MUC12: variants seen among roughly 807,000 people sequenced by gnomAD.
The protein encoded by MUC12 is mucin 12, cell surface associated.
A neutral mutation model predicts 230.8 loss-of-function variants in MUC12; 172 were observed. The ratio of observed to expected loss-of-function variants is 0.75; its 90% CI spans 0.66 to 0.85. MUC12 has a LOEUF of 0.85. Ranked by LOEUF, MUC12 falls within the 40% of genes least tolerant of loss-of-function variation. MUC12 has a pLI of 0.00. For synonymous variants in MUC12, 1,259 were observed against 2,401.9 expected (o/e 0.52, Z 13.91); for missense variants, 3,506 against 5,920.6 (o/e 0.59, Z 13.38).
chr7:100,991,883 C>G lies in MUC12; in HGVS notation c.1320C>G (p.Ser440=), dbSNP rs1461200702. Reference sequence around the variant, plus strand: ...GCCGTAGTGAGGAATCAAAAGCATCCCACAGCAGCCCAGATGCAATGGCAA... The same window carrying G: ...GCCGTAGTGAGGAATCAAAAGCATCGCACAGCAGCCCAGATGCAATGGCAA... The part of the protein sequence containing the change: ...ISGRSEESKA[S]HSSPDAMATT... Residue 440 remains serine (S), a synonymous_variant, in exon 2 of 12, where the codon TCC becomes TCG. Coordinates refer to ENST00000536621, the MANE Select transcript of MUC12 (RefSeq NM_001164462.2). 2.0e-6 allele frequency: 3 copies of G among 1,537,922 alleles called. No homozygotes were observed. The highest frequency in any genetic ancestry group is 2.6e-6 in the Non-Finnish European group (3 of 1,147,038).
chr7:101,012,765 G>T (rs937227174), intron 6 of MUC12, 54 bp from the exon 7 acceptor site: 60 of 1,518,078 alleles, frequency 4.0e-5, no homozygotes, highest in South Asian at 2.0e-4. Context: ...CTACCCCCAG[G>T]GAGGCAGAGG....
chr7:100,973,011 C>A, intron 1 of MUC12: 1 of 703,054 alleles, frequency 1.4e-6, no homozygotes, highest in Non-Finnish European at 2.6e-6. Context: ...CTGGATGGAG[C>A]GTGATGTTTG....
rs757256392 is a variant in MUC12 at position 100,991,043 on chromosome 7, C to G, written c.480C>G (p.Gly160=). 1 of 1,537,700 alleles carries G rather than the reference C, an allele frequency of 6.5e-7. No individual in the cohort carries two copies. The highest frequency in any genetic ancestry group is 1.4e-5 in the African/African-American group (1 of 73,124). The stretch of plus-strand genomic sequence containing the variant: ...CACCTGCCCGCACGACAAGCTCAGG[C>G]GTCAGTGAAAAATCAACCACCTCCC... The part of the protein sequence containing the change: ...TLSPARTTSS[G]VSEKSTTSHS... Residue 160 remains glycine, a synonymous_variant, in exon 2 of 12, where the codon GGC becomes GGG. Transcript: ENST00000536621.
chr7:100,975,069 G>A (rs1792999914), intron 1 of MUC12, among the ~76,000 whole-genome samples: 1 of 152,428 alleles, frequency 6.6e-6, no homozygotes, highest in East Asian at 1.9e-4. Flanking sequence ...GGGTTTCTGG[G>A]AGGAGCTGTC....
intron 1 of MUC12, among the ~76,000 whole-genome samples, chr7:100,989,754 G>T (rs1419022222): frequency 1.3e-5 from 2 of 151,628 alleles, no homozygotes; most frequent in African/African-American, 4.8e-5. Context: ...GCAGTGTCAT[G>T]ATCTCAGCTC....
rs1338427498 is a variant in MUC12, at chr7:101,005,080, C to G, written c.14517C>G (p.Ala4839=). ...CAGCTCTGTCAACAGTGTCACCTGC[C>G]AGCACCACAGTGCCAGGCCTTAGTG... ...PGSALSTVSP[A]STTVPGLSEE... Residue 4839 remains alanine, a synonymous_variant, in exon 2 of 12, where the codon GCC becomes GCG. Coordinates refer to ENST00000536621, the MANE Select transcript of MUC12 (RefSeq NM_001164462.2). 1.3e-6 allele frequency: 2 copies of G among 1,537,818 alleles called. No homozygotes were observed. The highest frequency in any genetic ancestry group is 1.4e-5 in the African/African-American group (1 of 73,038).
At position 101,003,507 on chromosome 7, in the gene MUC12, C is replaced by G. The variant is rs756775800; in HGVS notation, c.12944C>G (p.Ser4315Cys). 1 of 1,527,886 alleles carries G rather than the reference C, an allele frequency of 6.5e-7. No homozygotes were observed. The highest frequency in any genetic ancestry group is 1.2e-5 in the South Asian group (1 of 83,862). The allele number at this position is 1,527,886 out of a possible 1,614,324, so 94.6% of individuals were successfully genotyped here. A position where few individuals can be genotyped will look rare whatever the true frequency, so the allele number is the denominator to read the frequency against. ...ACTGGATCGCCACACACAACACTGT[C>G]CCCTGCCGGCTCTACAACCCGTCAG... is the stretch of plus-strand genomic sequence containing the variant. ...SSTGSPHTTLSPAGSTTRQGE... is the reference protein window; with the variant it reads ...SSTGSPHTTLCPAGSTTRQGE... Residue 4315 changes from serine (S) to cysteine (C), a missense_variant, in exon 2 of 12, where the codon TCC (serine) becomes TGC (cysteine). By Grantham distance (112) the Ser-to-Cys change is moderately radical. Coordinates refer to ENST00000536621, the MANE Select transcript of MUC12 (RefSeq NM_001164462.2).
Position 101,015,776 on chromosome 7 carries a change from G to A in MUC12, c.15877+85G>A. On this transcript the variant is annotated intron_variant, in intron 10 of 11. Coordinates refer to ENST00000536621, the MANE Select transcript of MUC12 (RefSeq NM_001164462.2). Reference sequence around the variant, plus strand: ...GTGCCTGTGCCTGTGGGGGTGACGTGGGGTCCAGCCCCCCTTTGGGGTGGC... The same window carrying A: ...GTGCCTGTGCCTGTGGGGGTGACGTAGGGTCCAGCCCCCCTTTGGGGTGGC... 4.8e-6 allele frequency: 6 copies of A among 1,243,352 alleles called. No individual in the cohort carries two copies. In the East Asian group the frequency reaches 1.5e-4, roughly 31 times the overall value. The allele number at this position is 1,243,352 out of a possible 1,614,324, so 77.0% of individuals were successfully genotyped here.
chr7:100,971,849 C>T (rs1479197759), intron 1 of MUC12, among the ~76,000 whole-genome samples: 2 of 152,306 alleles, frequency 1.3e-5, no homozygotes, highest in African/African-American at 4.8e-5. Flanking sequence ...ATGAAGGCCC[C>T]AGGAGTCAGC....
chr7:100,977,050 C>CAAA (rs1157648244), intron 1 of MUC12, among the ~76,000 whole-genome samples: 131 of 62,416 alleles, frequency 2.1e-3, no homozygotes, highest in African/African-American at 4.2e-3. Flanking sequence ...GACTCCATCT[C>CAAA]AAAAAAAAAA....
At chr7:101,012,475 C>A (rs1171489644) in intron 6 of MUC12, 28 bp downstream of exon 6, 1 of 1,535,574 alleles carries the variant, frequency 6.5e-7, no homozygotes, top group Non-Finnish European at 8.7e-7. Flanking sequence ...CCCTTGACAC[C>A]TGTGGGTGTC....
chr7:100,990,495 A>C, intron 1 of MUC12, 136 bp from the exon 2 acceptor site: 1 of 1,101,694 alleles, frequency 9.1e-7, no homozygotes, highest in Non-Finnish European at 1.3e-6. Context: ...CTATGCCCCC[A>C]AAAGGGAAAC....
chr7:101,010,245 G>C (rs1456472903), intron 5 of MUC12, among the ~76,000 whole-genome samples: 1 of 152,008 alleles, frequency 6.6e-6, no homozygotes, highest in Non-Finnish European at 1.5e-5. Flanking sequence ...GAGATGATGA[G>C]TTCAGTGTGC....
In MUC12 at chr7:100,993,539, T is replaced by G. The variant is rs145616035; in HGVS notation, c.2976T>G (p.Thr992=). The change falls in exon 2 of 12, where the codon ACT becomes ACG. Residue 992 remains threonine (T), a synonymous_variant. Coordinates refer to ENST00000536621, the MANE Select transcript of MUC12 (RefSeq NM_001164462.2). ...STSPGLQGES[T]AFQTHPASTH... ...GCCCTGGACTTCAGGGAGAATCTAC[T>G]GCCTTCCAGACCCACCCAGCCTCAA... 9 of 1,001,620 alleles carry G rather than the reference T, an allele frequency of 9.0e-6. 2 individuals carry two copies. The highest frequency in any genetic ancestry group is 2.8e-4 in the Middle Eastern group (1 of 3,566). The allele number at this position is 1,001,620 out of a possible 1,614,324, so 62.0% of individuals were successfully genotyped here.
Position 101,004,732 on chromosome 7 carries a change from A to G in MUC12, c.14169A>G (p.Thr4723=). 6.5e-7 allele frequency: 1 copy of G among 1,536,972 alleles called. No homozygotes were observed. The highest frequency in any genetic ancestry group is 8.7e-7 in the Non-Finnish European group (1 of 1,146,372). The stretch of plus-strand genomic sequence containing the variant: ...ATATCTCTCCAGGCTCAATGGAAAC[A>G]ACATTAGCCAGCACTGCCACAACAC... ...TFYISPGSME[T]TLASTATTPG... is the part of the protein sequence containing the mutation. The change falls in exon 2 of 12, where the codon ACA becomes ACG. Residue 4723 remains threonine (T), a synonymous_variant. Coordinates refer to ENST00000536621, the MANE Select transcript of MUC12 (RefSeq NM_001164462.2).
At chr7:100,974,734 A>T (rs1046068015) in intron 1 of MUC12, among the ~76,000 whole-genome samples, 1 of 152,414 alleles carries the variant, frequency 6.6e-6, no homozygotes, top group African/African-American at 2.4e-5. Flanking sequence ...CTGAGATAGG[A>T]GGAATGCTTG....
At chr7:100,976,891 A>G (rs544845176) in intron 1 of MUC12, among the ~76,000 whole-genome samples, 64 of 151,796 alleles carry the variant, frequency 4.2e-4, no homozygotes, top group African/African-American at 1.5e-3. Context: ...TCTCTACTAA[A>G]AGTACAAAAA....
At chr7:101,009,234 A>G (rs1318777396) in intron 5 of MUC12, 75 bp downstream of exon 5, 11 of 1,408,892 alleles carry the variant, frequency 7.8e-6, no homozygotes, top group Non-Finnish European at 1.1e-5. Context: ...TCCTCCTATC[A>G]TGAATGGCTA....
rs748670582 is a variant in MUC12 at position 101,004,690 on chromosome 7, A to C, written c.14127A>C (p.Ala4709=). The C allele has an allele frequency of 7.8e-6, 12 of 1,537,770 alleles. No individual in the cohort carries two copies. Among genetic ancestry groups the C allele is most frequent in the South Asian group, 1.2e-5 (1 of 84,062 alleles). The change falls in exon 2 of 12, where the codon GCA becomes GCC. Residue 4709 remains alanine (A), a synonymous_variant. Transcript: ENST00000536621. ...ATTTTACTACCTCAGGCCGCATTGCAGAATCTACCACCTTCTATATCTCTC... is the reference window on the plus strand; with the variant it reads ...ATTTTACTACCTCAGGCCGCATTGCCGAATCTACCACCTTCTATATCTCTC... ...PAHFTTSGRI[A]ESTTFYISPG...
Sources: allele counts gnomAD v4.1 joint callset (sites outside exome capture counted in the v4.1 genomes callset), GRCh38; gene constraint gnomAD v4.1.1; transcripts MANE v1.5; gene names NCBI Gene and HGNC (gene_info 2026-07-23, HGNC 2026-07-21).